Variants in TMEM236 observed in about 807,000 individuals in gnomAD.
TMEM236 encodes transmembrane protein 236.
TMEM236 carries 11 observed loss-of-function variants against 14.7 expected under a neutral mutation model. The ratio of observed to expected loss-of-function variants is 0.75; its 90% confidence interval spans 0.47 to 1.24. TMEM236 has a LOEUF of 1.24. Among genes scored for constraint, TMEM236 ranks in the 50% most tolerant of loss-of-function variants. TMEM236 has a pLI of 0.00. For synonymous variants in TMEM236, 182 were observed against 168.6 expected, an observed-to-expected ratio of 1.08 and a Z score of -0.62; for missense variants, 464 against 427.3, an observed-to-expected ratio of 1.09 and a Z score of -0.76.
intron 1 of TMEM236, among the ~76,000 whole-genome samples, chr10:17,761,417 G>T (rs1293998577): frequency 6.6e-6 from 1 of 152,130 alleles, no homozygotes; most frequent in South Asian, 2.1e-4. Context: ...TCTGGGCCAG[G>T]CGTGCTGGTT....
Position 17,797,966 on chromosome 10 carries a change from C to T in TMEM236, c.*1462C>T, listed in dbSNP as rs973357005. 2 of 152,130 alleles carry T rather than the reference C, an allele frequency of 1.3e-5. No homozygotes were observed. The highest frequency in any genetic ancestry group is 2.9e-5 in the Non-Finnish European group (2 of 68,024). 9.4% of individuals were successfully genotyped at this position (152,130 alleles called of 1,614,324 possible). On this transcript the variant is annotated 3_prime_UTR_variant, in exon 4 of 4. Coordinates refer to ENST00000377495, the MANE Select transcript of TMEM236 (RefSeq NM_001098844.3). ...TGTTTAAAATTAAAAGTTCGGCTTA[C>T]AAATATAATAGCCAATGTATCAGTG...
chr10:17,766,219 C>T (rs962232423), intron 1 of TMEM236, among the ~76,000 whole-genome samples: 1 of 152,174 alleles, frequency 6.6e-6, no homozygotes, highest in East Asian at 1.9e-4. Context: ...ACAGGCTGTG[C>T]CTTCAACACT....
intron 1 of TMEM236, among the ~76,000 whole-genome samples, chr10:17,763,337 T>C (rs1375582598): frequency 6.6e-6 from 1 of 151,968 alleles, no homozygotes; most frequent in Non-Finnish European, 1.5e-5. Context: ...ATGACTGTAG[T>C]CTCTGTTACT....
rs1032799444 is a variant in TMEM236, at chr10:17,795,921, G to A, written c.473G>A (p.Ser158Asn). The A allele has an allele frequency of 1.4e-3, 2,277 of 1,613,740 alleles. 5 individuals are homozygous for A. The highest frequency in any genetic ancestry group is 1.6e-3 in the Non-Finnish European group (1,845 of 1,179,678). The change falls in exon 4 of 4, where the codon AGT becomes AAT. Residue 158 changes from serine (S) to asparagine (N), a missense_variant and splice_region_variant. Coordinates refer to ENST00000377495, the MANE Select transcript of TMEM236 (RefSeq NM_001098844.3). ...ATGTAAATAAATCTGTTAATTGCAG[G>A]TAGTGAAAATGGACACATCCATTCA... The part of the protein sequence containing the change: ...RIYPLRGSQK[S>N]SENGHIHSTS...
intron 3 of TMEM236, among the ~76,000 whole-genome samples, chr10:17,791,293 A>T (rs1483695361): frequency 4.2e-5 from 1 of 23,852 alleles, no homozygotes; most frequent in Non-Finnish European, 1.1e-4. Context: ...ATAAAAAGTA[A>T]AAAAAAAAAA....
At chr10:17,795,759 CA>C (rs1365716937) in intron 3 of TMEM236, among the ~76,000 whole-genome samples, 161 bp from the exon 4 acceptor site, 3 of 152,076 alleles carry the variant, frequency 2.0e-5, no homozygotes, top group Non-Finnish European at 2.9e-5. Context: ...GCATGTCCTG[CA>C]CATGTATCCT....
In TMEM236 at chr10:17,755,345, A is replaced by G. The variant is rs1837270686; in HGVS notation, c.257+2793A>G. Among the ~76,000 whole-genome samples the G allele has an allele frequency of 7.9e-5, 12 of 152,172 alleles. 1 individual carries two copies. ...CACGCAAGGGCAGAAATGTAAAAAT[A>G]ATAGACTCTGCAATAGAGCTAGAAA... On this transcript the variant is annotated intron_variant, in intron 1 of 3. Transcript: ENST00000377495.
chr10:17,764,314 C>G (rs1031907359), intron 1 of TMEM236, among the ~76,000 whole-genome samples: 1 of 152,118 alleles, frequency 6.6e-6, no homozygotes, highest in Admixed American at 6.5e-5. Flanking sequence ...GAGGGTCCCT[C>G]TCATTGCCAG....
chr10:17,771,394 T>C lies in TMEM236; in HGVS notation c.330+13T>C. 1.2e-6 allele frequency: 2 copies of C among 1,610,916 alleles called. No homozygotes were observed. Among genetic ancestry groups the C allele is most frequent in the Non-Finnish European group, 8.5e-7 (1 of 1,177,078 alleles). On this transcript the variant is annotated intron_variant, in intron 2 of 3. Transcript: ENST00000377495. ...AGCAGTGACTGAGGTATGGAATTTTTGATTTCTTCTGCTACAAGATTATGA... is the reference window on the plus strand; with the variant it reads ...AGCAGTGACTGAGGTATGGAATTTTCGATTTCTTCTGCTACAAGATTATGA...
At chr10:17,768,727 A>ATGTGTGTGTGTGTGTGTGTG (rs570319904) in intron 1 of TMEM236, among the ~76,000 whole-genome samples, 21 of 144,306 alleles carry the variant, frequency 1.5e-4, no homozygotes, top group Non-Finnish European at 4.6e-5. Flanking sequence ...TATACAACTC[A>ATGTGTGTGTGTGTGTGTGTG]TGTGTGTGTG....
Position 17,757,659 on chromosome 10 carries a change from G to A in TMEM236, c.257+5107G>A, listed in dbSNP as rs962760145. Among the ~76,000 whole-genome samples, 94 of 150,368 alleles carry A rather than the reference G, an allele frequency of 6.3e-4. No individual in the cohort carries two copies. In the South Asian group the frequency reaches 0.019, roughly 31 times the overall value. On this transcript the variant is annotated intron_variant, in intron 1 of 3. Transcript: ENST00000377495. ...AGGATTTGTGAGCCTAGGTCTGTCT[G>A]ATTCCATACAATTTCCTGTATCTCA... is the stretch of plus-strand genomic sequence containing the variant.
chr10:17,773,089 G>T (rs1464265755), intron 2 of TMEM236, among the ~76,000 whole-genome samples: 1 of 152,142 alleles, frequency 6.6e-6, no homozygotes, highest in African/African-American at 2.4e-5. Context: ...CGCCATCTTG[G>T]TTGTTTCCAG....
intron 1 of TMEM236, among the ~76,000 whole-genome samples, chr10:17,765,660 G>A (rs1837450748): frequency 6.6e-6 from 1 of 152,168 alleles, no homozygotes; most frequent in Admixed American, 6.5e-5. Flanking sequence ...TCAAAAGCTA[G>A]GAAGGAAAAT....
chr10:17,783,911 G>A (rs1837794255), intron 3 of TMEM236, among the ~76,000 whole-genome samples: 1 of 151,670 alleles, frequency 6.6e-6, no homozygotes, highest in Admixed American at 6.6e-5. Context: ...TTTTATGTTG[G>A]TATGGCCATT....
At chr10:17,776,263 C>A in intron 3 of TMEM236, 93 bp downstream of exon 3, 3 of 1,222,932 alleles carry the variant, frequency 2.5e-6, no homozygotes, top group Middle Eastern at 2.1e-4. Flanking sequence ...TTTAATGATA[C>A]CTTTTCTTAG....
chr10:17,777,790 A>C (rs1364473964), intron 3 of TMEM236, among the ~76,000 whole-genome samples: 1 of 152,128 alleles, frequency 6.6e-6, no homozygotes, highest in Non-Finnish European at 1.5e-5. Context: ...TTGCTCTGGA[A>C]TGCAGCGGCA....
At chr10:17,754,746 A>G (rs1837258760) in intron 1 of TMEM236, among the ~76,000 whole-genome samples, 1 of 152,206 alleles carries the variant, frequency 6.6e-6, no homozygotes, top group East Asian at 1.9e-4. Context: ...TTTAATGTTA[A>G]TTTAACTAGC....
chr10:17,758,688 G>A (rs1052418610), intron 1 of TMEM236, among the ~76,000 whole-genome samples: 37 of 152,232 alleles, frequency 2.4e-4, no homozygotes, highest in African/African-American at 5.3e-4. Flanking sequence ...AAATGTGATC[G>A]TGTTAAATCT....
intron 2 of TMEM236, among the ~76,000 whole-genome samples, chr10:17,774,435 C>A (rs1837625456): frequency 6.6e-6 from 1 of 152,180 alleles, no homozygotes; most frequent in Admixed American, 6.5e-5. Flanking sequence ...TGTTGTACAG[C>A]AGTGAGTTAA....
Sources: allele counts gnomAD v4.1 joint callset (sites outside exome capture counted in the v4.1 genomes callset), GRCh38; gene constraint gnomAD v4.1.1; transcripts MANE v1.5; gene names NCBI Gene and HGNC (gene_info 2026-07-23, HGNC 2026-07-21).